TCF12: variants seen among roughly 807,000 people sequenced by gnomAD.
TCF12 encodes DNA-binding protein HTF4.
Under a neutral mutation model 86.0 loss-of-function variants are expected in TCF12, and 45 were observed. The ratio of observed to expected loss-of-function variants is 0.52; its 90% CI spans 0.41 to 0.67. The LOEUF is 0.67. TCF12 is among the 30% of genes least tolerant of loss of function. The probability of loss-of-function intolerance (pLI) is 0.00; values close to 1 mark genes in which losing one functional copy is unlikely to be tolerated. For missense variants in TCF12, 881 were observed against 859.9 expected, an observed-to-expected ratio of 1.02 and a Z score of -0.31; for synonymous variants, 330 against 299.6, an observed-to-expected ratio of 1.10 and a Z score of -1.05.
chr15:57,276,658 A>G (rs1332298542), intron 19 of TCF12, among the ~76,000 whole-genome samples: 1 of 152,204 alleles, frequency 6.6e-6, no homozygotes, highest in Non-Finnish European at 1.5e-5. Flanking sequence ...GATAAAATAT[A>G]AATAGCTTAT....
chr15:57,075,689 T>C (rs1346763234), intron 4 of TCF12, among the ~76,000 whole-genome samples: 1 of 152,066 alleles, frequency 6.6e-6, no homozygotes, highest in East Asian at 1.9e-4. Flanking sequence ...AATTTAAGCC[T>C]GAGTTCTCTC....
intron 5 of TCF12, among the ~76,000 whole-genome samples, chr15:57,155,633 A>G (rs2054063348): frequency 6.6e-6 from 1 of 152,134 alleles, no homozygotes; most frequent in Admixed American, 6.5e-5. Flanking sequence ...CATCTCTACA[A>G]AAATGTTGTA....
chr15:56,998,709 A>G (rs570196830), intron 3 of TCF12, among the ~76,000 whole-genome samples: 1 of 152,298 alleles, frequency 6.6e-6, no homozygotes, highest in East Asian at 1.9e-4. Flanking sequence ...CCTTTATGGA[A>G]TACTTTACCC....
At chr15:57,221,240 G>A (rs2058575154) in intron 8 of TCF12, among the ~76,000 whole-genome samples, 1 of 152,170 alleles carries the variant, frequency 6.6e-6, no homozygotes, top group Non-Finnish European at 1.5e-5. Flanking sequence ...GATAATGTAA[G>A]AAGTAGATTT....
intron 5 of TCF12, among the ~76,000 whole-genome samples, chr15:57,101,412 C>T (rs756211532): frequency 8.5e-5 from 13 of 152,092 alleles, no homozygotes; most frequent in South Asian, 2.1e-4. Flanking sequence ...AGTCTTGTTG[C>T]GCTGCCCAGG....
In TCF12 at chr15:57,286,774, C is replaced by A. The variant is rs1174517776; in HGVS notation, c.*629C>A. On this transcript the variant is annotated 3_prime_UTR_variant, in exon 21 of 21. Transcript: ENST00000333725. ...AATAGGAAAATATTACTTGGTATAG[C>A]ATTTCTCTTGCTCTCATTTTTTGAT... is the stretch of plus-strand genomic sequence containing the variant. 1.2e-5 allele frequency: 5 copies of A among 401,436 alleles called. No homozygotes were observed. The highest frequency in any genetic ancestry group is 6.6e-5 in the Admixed American group (2 of 30,518). 24.9% of individuals were successfully genotyped at this position (401,436 alleles called of 1,614,324 possible).
chr15:57,198,084 A>G (rs1231260322), intron 8 of TCF12, among the ~76,000 whole-genome samples: 1 of 152,176 alleles, frequency 6.6e-6, no homozygotes, highest in African/African-American at 2.4e-5. Flanking sequence ...TGGGAAGAGG[A>G]CTAGGCCAGT....
intron 5 of TCF12, among the ~76,000 whole-genome samples, chr15:57,109,893 A>G (rs1205695478): frequency 2.6e-5 from 4 of 152,226 alleles, no homozygotes; most frequent in Non-Finnish European, 5.9e-5. Context: ...GAAAGCGTTA[A>G]TTTGTGAGGG....
Position 57,273,138 on chromosome 15 carries a change from T to C in TCF12, c.1854T>C (p.Asn618=). The C allele has an allele frequency of 6.2e-7, 1 of 1,614,248 alleles. No homozygotes were observed. The highest frequency in any genetic ancestry group is 8.5e-7 in the Non-Finnish European group (1 of 1,180,040). The change falls in exon 19 of 21, where the codon AAT becomes AAC. Residue 618 remains asparagine, a synonymous_variant. Coordinates refer to ENST00000333725, the MANE Select transcript of TCF12 (RefSeq NM_207037.2). ...ARERLRVRDI[N]EAFKELGRMC... Reference sequence around the variant, plus strand: ...AACGCTTACGCGTGCGGGATATTAATGAAGCATTCAAAGAGCTTGGCCGAA... The same window carrying C: ...AACGCTTACGCGTGCGGGATATTAACGAAGCATTCAAAGAGCTTGGCCGAA...
At chr15:57,250,801 C>T (rs1345590445) in intron 13 of TCF12, among the ~76,000 whole-genome samples, 1 of 150,736 alleles carries the variant, frequency 6.6e-6, no homozygotes, top group Non-Finnish European at 1.5e-5. Context: ...GAGGCAGAGG[C>T]AGGAGAATCG....
At chr15:57,055,527 C>A (rs985917827) in intron 3 of TCF12, among the ~76,000 whole-genome samples, 1 of 152,116 alleles carries the variant, frequency 6.6e-6, no homozygotes, top group Non-Finnish European at 1.5e-5. Flanking sequence ...ATTTCAACTC[C>A]ATTCTTGAAG....
At chr15:56,985,063 A>AT (rs1335153969) in intron 3 of TCF12, among the ~76,000 whole-genome samples, 1 of 152,190 alleles carries the variant, frequency 6.6e-6, no homozygotes, top group African/African-American at 2.4e-5. Context: ...AATGCACATA[A>AT]TTTCTTTTTA....
At position 57,124,614 on chromosome 15, in the gene TCF12, A is replaced by C. The variant is rs946038612; in HGVS notation, c.325+32723A>C. ...GTCCTTGTGCTGGCCTCCAACTGCT[A>C]ATATCCTGTCAGTGCACTAACATTT... is the stretch of plus-strand genomic sequence containing the variant. On this transcript the variant is annotated intron_variant, in intron 5 of 20. Coordinates refer to ENST00000333725, the MANE Select transcript of TCF12 (RefSeq NM_207037.2). Among the ~76,000 whole-genome samples the C allele has an allele frequency of 2.0e-5, 3 of 152,302 alleles. No homozygotes were observed. In the South Asian group the frequency reaches 6.2e-4, roughly 32 times the overall value.
At position 57,073,971 on chromosome 15, in the gene TCF12, C is replaced by T. The variant is rs1029214291; in HGVS notation, c.222+10148C>T. The stretch of plus-strand genomic sequence containing the variant: ...TTCACCGTGTTAGCCAGGATGGTCT[C>T]GATCTCCTGACCTCATGATCCGCCT... On this transcript the variant is annotated intron_variant, in intron 4 of 20. Transcript: ENST00000333725. Among the ~76,000 whole-genome samples, 6 of 152,124 alleles carry T rather than the reference C, an allele frequency of 3.9e-5. No individual in the cohort carries two copies. In the South Asian group the frequency reaches 6.2e-4, roughly 16 times the overall value.
intron 8 of TCF12, among the ~76,000 whole-genome samples, chr15:57,206,582 CTTTTTT>C (rs67531540): frequency 1.4e-3 from 117 of 83,840 alleles, no homozygotes; most frequent in East Asian, 2.9e-3. Context: ...CTTGTATTCT[CTTTTTT>C]TTTTTTTTTT....
At chr15:57,265,679 T>G (rs2060829438) in intron 18 of TCF12, among the ~76,000 whole-genome samples, 1 of 152,224 alleles carries the variant, frequency 6.6e-6, no homozygotes, top group Admixed American at 6.5e-5. Context: ...TTATATCAAT[T>G]AACCTATGAT....
rs916950542 is a variant in TCF12 at position 57,288,393 on chromosome 15, T to C, written c.*2248T>C. 2.0e-5 allele frequency: 3 copies of C among 152,660 alleles called. No homozygotes were observed. Among genetic ancestry groups the C allele is most frequent in the Non-Finnish European group, 4.4e-5 (3 of 68,038 alleles). The allele number at this position is 152,660 out of a possible 1,614,324, so 9.5% of individuals were successfully genotyped here. Reference sequence around the variant, plus strand: ...ATCCTGTGTCAAATTCAAGGTATTATTGATAAACCTTTTCAACCAGCAGCA... The same window carrying C: ...ATCCTGTGTCAAATTCAAGGTATTACTGATAAACCTTTTCAACCAGCAGCA... On this transcript the variant is annotated 3_prime_UTR_variant, in exon 21 of 21. Transcript: ENST00000333725.
At chr15:57,067,470 G>A (rs1475667982) in intron 4 of TCF12, among the ~76,000 whole-genome samples, 5 of 45,678 alleles carry the variant, frequency 1.1e-4, no homozygotes, top group Non-Finnish European at 3.2e-4. Flanking sequence ...AACCCGGGAG[G>A]CGGAACTCGC....
At chr15:57,239,501 G>A (rs1363166904) in intron 12 of TCF12, among the ~76,000 whole-genome samples, 1 of 125,464 alleles carries the variant, frequency 8.0e-6, no homozygotes, top group Non-Finnish European at 1.7e-5. Context: ...GGGCAACAGA[G>A]CAAGACTCCA....
Sources: gnomAD v4.1 joint callset for allele counts (sites outside exome capture counted in the v4.1 genomes callset) on GRCh38, gnomAD v4.1.1 for gene constraint, MANE v1.5 for transcripts, NCBI Gene and HGNC (gene_info 2026-07-23, HGNC 2026-07-21) for gene names.